UNC13C: variants seen among roughly 807,000 people sequenced by gnomAD.
UNC13C encodes the protein protein unc-13 homolog C.
A neutral mutation model predicts 245.4 loss-of-function variants in UNC13C; 174 were observed. The ratio of observed to expected loss-of-function variants is 0.71; its 90% CI spans 0.63 to 0.80. UNC13C has a LOEUF of 0.80. UNC13C is among the 30% of genes least tolerant of loss of function. The probability of loss-of-function intolerance (pLI) is 0.00; values close to 1 mark genes in which losing one functional copy is unlikely to be tolerated. For missense variants in UNC13C, 2,829 were observed against 2,602.9 expected, an observed-to-expected ratio of 1.09 and a Z score of -1.89; for synonymous variants, 992 against 895.1, an observed-to-expected ratio of 1.11 and a Z score of -1.93.
At chr15:54,454,932 C>T (rs1891393750) in intron 19 of UNC13C, among the ~76,000 whole-genome samples, 1 of 151,730 alleles carries the variant, frequency 6.6e-6, no homozygotes, top group African/African-American at 2.4e-5. Flanking sequence ...GTAGTATACA[C>T]TACACCAAAA....
rs548872622 is a variant in UNC13C, at chr15:54,042,258, T to A, written c.2983+26372T>A. Among the ~76,000 whole-genome samples the A allele has an allele frequency of 1.1e-4, 16 of 152,276 alleles. No individual in the cohort carries two copies. In the South Asian group the frequency reaches 3.1e-3, roughly 30 times the overall value. On this transcript the variant is annotated intron_variant, in intron 2 of 32. Transcript: ENST00000260323. ...TGTCAGAAAAATCTTATTTTTGACA[T>A]AAAGCATGAAATGAAAATACATAGG...
At chr15:54,322,171 A>T (rs1441504462) in intron 14 of UNC13C, 76 bp downstream of exon 14, 1 of 1,362,968 alleles carries the variant, frequency 7.3e-7, no homozygotes, top group Non-Finnish European at 9.7e-7. Context: ...TGAACTTAAG[A>T]TATTCCTGGA....
intron 32 of UNC13C, 115 bp from the exon 33 acceptor site, chr15:54,626,713 T>A (rs11856235): frequency 1.6e-5 from 15 of 962,376 alleles, no homozygotes; most frequent in Middle Eastern, 2.2e-4. Flanking sequence ...ATATCCTATT[T>A]GCCAACATAA....
At chr15:54,080,349 A>T (rs959997170) in intron 2 of UNC13C, among the ~76,000 whole-genome samples, 2 of 152,010 alleles carry the variant, frequency 1.3e-5, no homozygotes, top group African/African-American at 2.4e-5. Flanking sequence ...TGATTTAAGG[A>T]GGAATCTCTC....
At chr15:53,946,458 T>G in the UNC13C span, among the ~76,000 whole-genome samples, 8 of 151,302 alleles carry the variant, frequency 5.3e-5, no homozygotes, top group South Asian at 4.2e-4. Context: ...TTTGTTTTTT[T>G]TTTTTTTTAA....
At chr15:53,880,924 T>C in the UNC13C span, among the ~76,000 whole-genome samples, 29 of 152,226 alleles carry the variant, frequency 1.9e-4, no homozygotes, top group South Asian at 3.1e-3. Context: ...AGTCTGAATT[T>C]GGAAGGCAAT....
At chr15:54,593,167 G>C (rs1056224389) in intron 30 of UNC13C, among the ~76,000 whole-genome samples, 1 of 152,148 alleles carries the variant, frequency 6.6e-6, no homozygotes, top group Admixed American at 6.5e-5. Context: ...GGTTTCTGTT[G>C]CTAAATCTCC....
chr15:53,875,393 T>C, the UNC13C span, among the ~76,000 whole-genome samples: 7 of 152,172 alleles, frequency 4.6e-5, no homozygotes, highest in Non-Finnish European at 1.0e-4. Flanking sequence ...GCCTAGTCTG[T>C]ATGCTCACTG....
At chr15:53,872,114 C>G in the UNC13C span, among the ~76,000 whole-genome samples, 6 of 152,170 alleles carry the variant, frequency 3.9e-5, no homozygotes, top group Non-Finnish European at 8.8e-5. Context: ...TGTAGTGAAT[C>G]TTTCAGAGAG....
At chr15:53,932,743 A>T in the UNC13C span, among the ~76,000 whole-genome samples, 1 of 151,584 alleles carries the variant, frequency 6.6e-6, no homozygotes. Context: ...CTCTCTGGCC[A>T]CTCGTATTCA....
chr15:54,141,391 C>G (rs1020916721), intron 2 of UNC13C, among the ~76,000 whole-genome samples: 1 of 151,978 alleles, frequency 6.6e-6, no homozygotes, highest in Non-Finnish European at 1.5e-5. Flanking sequence ...GAAAATTATG[C>G]TTTGGACAGT....
intron 1 of UNC13C, among the ~76,000 whole-genome samples, chr15:53,986,974 A>G (rs559734873): frequency 6.6e-6 from 1 of 152,156 alleles, no homozygotes; most frequent in African/African-American, 2.4e-5. Context: ...GTAGCTTTAG[A>G]ATAAGGATAA....
chr15:54,180,767 T>C (rs1319188648), intron 4 of UNC13C, among the ~76,000 whole-genome samples: 1 of 149,386 alleles, frequency 6.7e-6, no homozygotes, highest in South Asian at 2.1e-4. Flanking sequence ...TTTTTTTTCA[T>C]ATATTTGTTG....
chr15:54,220,886 A>G lies in UNC13C; in HGVS notation c.3072-14144A>G, dbSNP rs1027831073. Among the ~76,000 whole-genome samples, 5 of 151,994 alleles carry G rather than the reference A, an allele frequency of 3.3e-5. No individual in the cohort carries two copies. In the South Asian group the frequency reaches 6.2e-4, roughly 19 times the overall value. ...AGATTGAGAACCTATCAACATCAAA[A>G]CCTGTAGCATAGTGGTTTGCTACTT... On this transcript the variant is annotated intron_variant, in intron 4 of 32. Transcript: ENST00000260323.
At chr15:54,208,280 C>G (rs1380137168) in intron 4 of UNC13C, among the ~76,000 whole-genome samples, 1 of 152,074 alleles carries the variant, frequency 6.6e-6, no homozygotes, top group East Asian at 1.9e-4. Flanking sequence ...TAACACCTCC[C>G]ACAAGGCCCC....
intron 19 of UNC13C, among the ~76,000 whole-genome samples, chr15:54,424,926 G>A (rs2040728237): frequency 6.6e-6 from 1 of 151,724 alleles, no homozygotes; most frequent in Admixed American, 6.6e-5. Flanking sequence ...AAACTTCATT[G>A]CACTCTGCAT....
At chr15:54,626,771 A>G in intron 32 of UNC13C, 57 bp from the exon 33 acceptor site, 1 of 1,467,952 alleles carries the variant, frequency 6.8e-7, no homozygotes, top group Non-Finnish European at 9.3e-7. Context: ...GAGAACCATA[A>G]TGATGCCTAG....
chr15:53,900,709 A>G, the UNC13C span, among the ~76,000 whole-genome samples: 9 of 152,240 alleles, frequency 5.9e-5, no homozygotes, highest in Admixed American at 1.3e-4. Flanking sequence ...CTTCCACTTT[A>G]AATCATCCAA....
intron 30 of UNC13C, among the ~76,000 whole-genome samples, chr15:54,574,823 T>A (rs1455793765): frequency 1.3e-5 from 2 of 152,164 alleles, no homozygotes; most frequent in South Asian, 2.1e-4. Flanking sequence ...AATTAGATCA[T>A]TTTGATCATT....
Sources: gnomAD v4.1 joint callset for allele counts (sites outside exome capture counted in the v4.1 genomes callset) on GRCh38, gnomAD v4.1.1 for gene constraint, MANE v1.5 for transcripts, NCBI Gene and HGNC (gene_info 2026-07-23, HGNC 2026-07-21) for gene names.